NFASC: variants seen among roughly 807,000 people sequenced by gnomAD.
The protein encoded by NFASC is neurofascin homolog.
NFASC carries 43 observed loss-of-function variants against 147.5 expected under a neutral mutation model. The ratio of observed to expected loss-of-function variants is 0.29; its 90% CI spans 0.23 to 0.38. The LOEUF is 0.38. Among genes scored for constraint, NFASC ranks in the 10% least tolerant of loss-of-function variants. NFASC has a pLI of 1.00. For missense variants in NFASC, 1,320 were observed against 1,689.0 expected (o/e 0.78, Z 3.83); for synonymous variants, 622 against 665.5 (o/e 0.93, Z 1.01).
chr1:204,960,833 T>G (rs891669662), intron 8 of NFASC, among the ~76,000 whole-genome samples: 3 of 152,214 alleles, frequency 2.0e-5, no homozygotes, highest in Admixed American at 2.0e-4. Context: ...GGCTGGGTCT[T>G]TACAACAAAC....
At chr1:205,002,440 G>T (rs2096008698) in intron 26 of NFASC, among the ~76,000 whole-genome samples, 156 bp from the exon 27 acceptor site, 2 of 152,190 alleles carry the variant, frequency 1.3e-5, no homozygotes, top group African/African-American at 4.8e-5. Context: ...TAGGGAAGCT[G>T]CCTGGAAACC....
At chr1:205,001,406 C>G (rs963369581) in intron 26 of NFASC, 120 bp downstream of exon 26, 12 of 673,456 alleles carry the variant, frequency 1.8e-5, no homozygotes, top group Admixed American at 6.7e-5. Context: ...GCCTTTTAGC[C>G]TGGCTTAATT....
rs1022780112 is a variant in NFASC at position 204,839,094 on chromosome 1, T to C, written c.-200+10312T>C. On this transcript the variant is annotated intron_variant, in intron 1 of 29. Coordinates refer to ENST00000339876, the MANE Select transcript of NFASC (RefSeq NM_001005388.3). ...ATTTCCTAAACCGGGATGCATGCTTTTTGAAGGTATTTCTTATTGTCTTCT... is the reference window on the plus strand; with the variant it reads ...ATTTCCTAAACCGGGATGCATGCTTCTTGAAGGTATTTCTTATTGTCTTCT... 7.2e-5 allele frequency among the ~76,000 whole-genome samples: 11 copies of C among 152,332 alleles called. No homozygotes were observed. In the South Asian group the frequency reaches 2.3e-3, roughly 32 times the overall value.
At chr1:204,877,459 G>A (rs1278996890) in intron 1 of NFASC, among the ~76,000 whole-genome samples, 3 of 152,032 alleles carry the variant, frequency 2.0e-5, no homozygotes, top group African/African-American at 7.3e-5. Context: ...GAAATCGGGG[G>A]TGGATCAAGT....
intron 29 of NFASC, among the ~76,000 whole-genome samples, chr1:205,013,708 C>T (rs978112020): frequency 2.6e-5 from 4 of 152,144 alleles, no homozygotes; most frequent in Non-Finnish European, 5.9e-5. Context: ...GAGTGTCATT[C>T]CCAGACCAAG....
intron 1 of NFASC, among the ~76,000 whole-genome samples, chr1:204,891,586 A>G (rs939984704): frequency 6.6e-6 from 1 of 152,178 alleles, no homozygotes; most frequent in Non-Finnish European, 1.5e-5. Context: ...AGAGATAGTC[A>G]CTACAGCGGT....
chr1:205,013,455 C>T (rs921505312), intron 29 of NFASC, among the ~76,000 whole-genome samples: 4 of 152,184 alleles, frequency 2.6e-5, no homozygotes, highest in African/African-American at 9.7e-5. Context: ...GATGAGAGGA[C>T]TGAGGCCCAG....
At chr1:204,969,293 T>C (rs1373909097) in intron 10 of NFASC, among the ~76,000 whole-genome samples, 1 of 152,238 alleles carries the variant, frequency 6.6e-6, no homozygotes, top group Admixed American at 6.5e-5. Flanking sequence ...AGCCTTTTTT[T>C]CCTTTCGTTT....
At chr1:204,973,022 T>A (rs192434756) in intron 11 of NFASC, among the ~76,000 whole-genome samples, 108 of 152,314 alleles carry the variant, frequency 7.1e-4, no homozygotes, top group African/African-American at 2.6e-3. Flanking sequence ...AACTGCCCAA[T>A]GGGTAGGTAG....
chr1:204,913,706 A>G (rs2088326637), intron 1 of NFASC, among the ~76,000 whole-genome samples: 1 of 152,142 alleles, frequency 6.6e-6, no homozygotes, highest in African/African-American at 2.4e-5. Context: ...TGGTGACACC[A>G]TGTCTCTATA....
chr1:204,979,122 T>A lies in NFASC; in HGVS notation c.1978+53T>A. The A allele has an allele frequency of 7.0e-7, 1 of 1,425,586 alleles. No homozygotes were observed. Among genetic ancestry groups the A allele is most frequent in the Non-Finnish European group, 9.6e-7 (1 of 1,038,344 alleles). The allele number at this position is 1,425,586 out of a possible 1,614,324, so 88.3% of individuals were successfully genotyped here. A position where few individuals can be genotyped will look rare whatever the true frequency, so the allele number is the denominator to read the frequency against. ...TGGAAAAGAGGGACGGCAACACCCTTAAACCGAAGGCCTTTCCTGGTTTCC... is the reference window on the plus strand; with the variant it reads ...TGGAAAAGAGGGACGGCAACACCCTAAAACCGAAGGCCTTTCCTGGTTTCC... On this transcript the variant is annotated intron_variant, in intron 18 of 29. Transcript: ENST00000339876. This position sits in a 1 kb window ranked among gnomAD's most constrained non-coding sequence, Gnocchi z 6.0.
intron 17 of NFASC, among the ~76,000 whole-genome samples, chr1:204,978,451 C>G (rs2095448886): frequency 6.6e-6 from 1 of 152,230 alleles, no homozygotes; most frequent in Non-Finnish European, 1.5e-5. Flanking sequence ...CTGATCCCCT[C>G]TCTTTGTTGC....
At chr1:204,959,132 T>A (rs2094550428) in intron 8 of NFASC, among the ~76,000 whole-genome samples, 1 of 151,970 alleles carries the variant, frequency 6.6e-6, no homozygotes, top group Admixed American at 6.6e-5. Context: ...TTCTCCTCCC[T>A]CTTTCTTTTT....
intron 2 of NFASC, among the ~76,000 whole-genome samples, chr1:204,926,407 T>TATATATATATA (rs11373886): frequency 1.4e-3 from 9 of 6,382 alleles, no homozygotes; most frequent in South Asian, 8.1e-3. Flanking sequence ...TATATATATA[T>TATATATATATA]TTTTTTTTTT....
intron 8 of NFASC, among the ~76,000 whole-genome samples, chr1:204,962,789 T>C (rs544254343): frequency 1.3e-5 from 2 of 152,252 alleles, no homozygotes; most frequent in African/African-American, 4.8e-5. Context: ...CTCTCCTCCT[T>C]TGGTAGTATA....
intron 1 of NFASC, among the ~76,000 whole-genome samples, chr1:204,898,181 G>A (rs946050664): frequency 3.3e-5 from 5 of 152,202 alleles, no homozygotes; most frequent in East Asian, 1.9e-4. Flanking sequence ...ACTGTGCCCG[G>A]CCTAAAGCCC....
At chr1:204,998,089 C>T (rs1036318695) in intron 25 of NFASC, 1 of 153,486 alleles carries the variant, frequency 6.5e-6, no homozygotes. Context: ...TACGGGCATT[C>T]TCAGAGCCCC....
chr1:204,946,057 C>T (rs2149826462), intron 3 of NFASC, among the ~76,000 whole-genome samples: 1 of 152,258 alleles, frequency 6.6e-6, no homozygotes, highest in South Asian at 2.1e-4. Context: ...ACACCCCAAG[C>T]AGTCAGGCTC....
chr1:204,874,189 G>C (rs965578757), intron 1 of NFASC, among the ~76,000 whole-genome samples: 3 of 152,172 alleles, frequency 2.0e-5, no homozygotes, highest in African/African-American at 7.2e-5. Context: ...CTGCGCTGGG[G>C]GACAGGCCCA....
Sources: allele counts gnomAD v4.1 joint callset (sites outside exome capture counted in the v4.1 genomes callset), GRCh38; gene constraint gnomAD v4.1.1; non-coding constraint Gnocchi (gnomAD v3.1); transcripts MANE v1.5; gene names NCBI Gene and HGNC (gene_info 2026-07-23, HGNC 2026-07-21).